STS: variants seen among roughly 807,000 people sequenced by gnomAD.
STS encodes the protein steryl-sulfatase.
In STS, 7 loss-of-function variants were observed where a neutral mutation model predicts 26.8. The ratio of observed to expected loss-of-function variants is 0.26; its 90% CI spans 0.15 to 0.49. The LOEUF (loss-of-function observed/expected upper bound fraction) is 0.49, where lower values mean the gene tolerates loss of function less well. Ranked by LOEUF, STS falls within the 20% of genes least tolerant of loss-of-function variation. The pLI, the probability that STS is intolerant of heterozygous loss-of-function variation, is 0.98. For synonymous variants in STS, 199 were observed against 189.4 expected (o/e 1.05, Z -0.42); for missense variants, 434 against 465.6 (o/e 0.93, Z 0.63).
At chrX:7,275,129 G>T (rs1217847500) in intron 6 of STS, among the ~76,000 whole-genome samples, 1 of 110,222 alleles carries the variant, frequency 9.1e-6, no homozygotes, top group Admixed American at 9.8e-5. Flanking sequence ...GCAGTTACCA[G>T]GGACTGGGGT....
intron 2 of STS, among the ~76,000 whole-genome samples, chrX:7,239,401 A>G: frequency 1.8e-5 from 2 of 112,219 alleles, no homozygotes; most frequent in Non-Finnish European, 3.8e-5. Context: ...CTCTGTTTTT[A>G]ATAAGCCTTC....
intron 7 of STS, among the ~76,000 whole-genome samples, chrX:7,296,305 A>G (rs1386746992): frequency 8.9e-6 from 1 of 112,100 alleles, no homozygotes; most frequent in Non-Finnish European, 1.9e-5. Flanking sequence ...GCCATACCAA[A>G]CAGCAAATGG....
intron 2 of STS, among the ~76,000 whole-genome samples, chrX:7,233,154 C>G (rs1320145348): frequency 1.1e-5 from 1 of 91,511 alleles, no homozygotes; most frequent in Non-Finnish European, 2.0e-5. Context: ...AGTGTAATGG[C>G]GCGATCTTGG....
intron 2 of STS, among the ~76,000 whole-genome samples, chrX:7,241,102 C>T (rs1442285150): frequency 1.8e-5 from 2 of 111,626 alleles, no homozygotes; most frequent in African/African-American, 3.3e-5. Context: ...AACCAATGCG[C>T]ACAGTTTGTA....
At chrX:7,295,593 C>T in intron 7 of STS, among the ~76,000 whole-genome samples, 1 of 110,869 alleles carries the variant, frequency 9.0e-6, no homozygotes, top group Non-Finnish European at 1.9e-5. Context: ...TTTTTTATTA[C>T]TAGCTCACCT....
At chrX:7,325,525 T>C (rs762896691) in intron 9 of STS, 27 bp downstream of exon 9, 3 of 1,208,111 alleles carry the variant, frequency 2.5e-6, no homozygotes, top group Non-Finnish European at 3.4e-6. Context: ...GTGGTTGGTA[T>C]TGTTGAGCTC....
intron 1 of STS, among the ~76,000 whole-genome samples, chrX:7,148,696 C>T (rs1275906379): frequency 1.8e-5 from 2 of 111,965 alleles, no homozygotes; most frequent in Non-Finnish European, 3.8e-5. Context: ...GGTCCTGGAC[C>T]GCGACTTGAA....
At chrX:7,240,010 G>A (rs967145841) in intron 2 of STS, among the ~76,000 whole-genome samples, 2 of 106,807 alleles carry the variant, frequency 1.9e-5, no homozygotes, top group Non-Finnish European at 3.8e-5. Context: ...TCAGCCTCCC[G>A]AGTAGCTGGG....
chrX:7,163,443 C>G (rs1408291601), intron 1 of STS, among the ~76,000 whole-genome samples: 1 of 112,334 alleles, frequency 8.9e-6, no homozygotes, highest in African/African-American at 3.2e-5. Context: ...TTTGCTAGAG[C>G]TTGTCACAGC....
Position 7,214,931 on chromosome X carries a change from G to A in STS, c.-5+23923G>A, listed in dbSNP as rs866779115. The stretch of plus-strand genomic sequence containing the variant: ...ATCATATATATATATGTGTGTGTGT[G>A]TATATATATATACATATATACGTAT... On this transcript the variant is annotated intron_variant, in intron 2 of 10. Coordinates refer to ENST00000674429, the MANE Select transcript of STS (RefSeq NM_001320752.2). Among the ~76,000 whole-genome samples the A allele has an allele frequency of 7.5e-3, 687 of 91,864 alleles. 6 individuals are homozygous for A. Among genetic ancestry groups the A allele is most frequent in the African/African-American group, 0.025 (620 of 24,982 alleles). The allele number at this position is 91,864 out of a possible 115,157, so 79.8% of individuals were successfully genotyped here. A position where few individuals can be genotyped will look rare whatever the true frequency, so the allele number is the denominator to read the frequency against.
intron 1 of STS, among the ~76,000 whole-genome samples, chrX:7,167,142 G>T (rs1432516854): frequency 3.6e-5 from 4 of 111,628 alleles, no homozygotes; most frequent in African/African-American, 1.3e-4. Flanking sequence ...CTGTCCAGGT[G>T]TTGGCTGTGT....
intron 10 of STS, among the ~76,000 whole-genome samples, chrX:7,339,424 T>G (rs771485607): frequency 1.8e-5 from 2 of 112,769 alleles, no homozygotes; most frequent in Non-Finnish European, 3.7e-5. Context: ...AGCACATATA[T>G]GTAAACCATT....
At chrX:7,302,842 A>G (rs1267677260) in intron 7 of STS, among the ~76,000 whole-genome samples, 1 of 111,315 alleles carries the variant, frequency 9.0e-6, no homozygotes, top group Admixed American at 9.6e-5. Context: ...CCTATATTTA[A>G]TTATTTCGAC....
At chrX:7,274,018 G>A (rs1460816524) in intron 6 of STS, among the ~76,000 whole-genome samples, 1 of 110,798 alleles carries the variant, frequency 9.0e-6, no homozygotes, top group Non-Finnish European at 1.9e-5. Flanking sequence ...CAGGGAGAGG[G>A]GGAAGTAAGT....
At chrX:7,270,789 C>T (rs914190129) in intron 6 of STS, among the ~76,000 whole-genome samples, 7 of 111,990 alleles carry the variant, frequency 6.3e-5, no homozygotes, top group African/African-American at 1.9e-4. Flanking sequence ...GGTCATGTTC[C>T]GTAGCCTTGA....
chrX:7,249,195 A>G (rs1026959647), intron 2 of STS, among the ~76,000 whole-genome samples: 2 of 110,830 alleles, frequency 1.8e-5, no homozygotes, highest in Middle Eastern at 4.7e-3. Flanking sequence ...ATGTCCATCA[A>G]TCACTCAACA....
intron 1 of STS, among the ~76,000 whole-genome samples, chrX:7,166,096 C>T (rs1198546440): frequency 9.2e-6 from 1 of 108,188 alleles, no homozygotes; most frequent in African/African-American, 3.4e-5. Flanking sequence ...CACCCTCAAC[C>T]TCCCAGGCTC....
At chrX:7,155,646 A>G (rs1247710930) in intron 1 of STS, among the ~76,000 whole-genome samples, 1 of 112,027 alleles carries the variant, frequency 8.9e-6, no homozygotes, top group Non-Finnish European at 1.9e-5. Context: ...TATGTTAAAT[A>G]TTATATTACA....
In STS at chrX:7,339,992, A is replaced by G. The variant is rs754589974; in HGVS notation, c.1363+5885A>G. On this transcript the variant is annotated intron_variant, in intron 10 of 10. Coordinates refer to ENST00000674429, the MANE Select transcript of STS (RefSeq NM_001320752.2). Reference sequence around the variant, plus strand: ...TGGTCATTACTTTTGATAATTTGCTACAATGCAAACTTACTTCCTTATAGA... The same window carrying G: ...TGGTCATTACTTTTGATAATTTGCTGCAATGCAAACTTACTTCCTTATAGA... Among the ~76,000 whole-genome samples, 31 of 109,730 alleles carry G rather than the reference A, an allele frequency of 2.8e-4. No homozygotes were observed. In the Admixed American group the frequency reaches 2.8e-3, roughly 10 times the overall value.
Sources: gnomAD v4.1 joint callset for allele counts (sites outside exome capture counted in the v4.1 genomes callset) on GRCh38, gnomAD v4.1.1 for gene constraint, MANE v1.5 for transcripts, NCBI Gene and HGNC (gene_info 2026-07-23, HGNC 2026-07-21) for gene names.